TPM1: variants seen among roughly 807,000 people sequenced by gnomAD.
The protein encoded by TPM1 is tropomyosin alpha-1 chain.
In TPM1, 24 loss-of-function variants were observed where a neutral mutation model predicts 42.9. The observed-to-expected ratio is 0.56, with a 90% CI of 0.41 to 0.79. The LOEUF is 0.79. Among genes scored for constraint, TPM1 ranks in the 30% least tolerant of loss-of-function variants. The pLI, the probability that TPM1 is intolerant of heterozygous loss-of-function variation, is 0.00. For missense variants in TPM1, 158 were observed against 351.8 expected (o/e 0.45, Z 4.41); for synonymous variants, 136 against 130.1 (o/e 1.05, Z -0.31).
intron 8 of TPM1, chr15:63,063,724 A>C (rs991213338): frequency 3.8e-6 from 1 of 263,242 alleles, no homozygotes; most frequent in Non-Finnish European, 7.3e-6. Context: ...AAGATGTTCC[A>C]TTAGCCCCTG....
At chr15:63,051,635 G>C (rs1365493074) in intron 2 of TPM1, among the ~76,000 whole-genome samples, 1 of 151,740 alleles carries the variant, frequency 6.6e-6, no homozygotes, top group Non-Finnish European at 1.5e-5. Flanking sequence ...AACCTTCTTC[G>C]TATAACTACA....
chr15:63,050,398 C>T (rs2033607845), intron 2 of TPM1, among the ~76,000 whole-genome samples: 1 of 152,156 alleles, frequency 6.6e-6, no homozygotes, highest in Admixed American at 6.5e-5. Context: ...GTCTCCTCAC[C>T]CTGCTAAGAA....
chr15:63,069,967 C>A (rs780497547), downstream of TPM1: 10 of 1,613,640 alleles, frequency 6.2e-6, no homozygotes, highest in Non-Finnish European at 8.5e-6. Context: ...AAAACTTGGG[C>A]TGAATTCTAG....
chr15:63,055,141 C>T (rs1425869314), intron 2 of TPM1, among the ~76,000 whole-genome samples: 1 of 152,138 alleles, frequency 6.6e-6, no homozygotes, highest in Non-Finnish European at 1.5e-5. Context: ...CAGTCATCTG[C>T]CAGTAATTCC....
At chr15:63,065,861 T>G (rs774959106) in intron 9 of TPM1, 35 bp from the exon 10 acceptor site, 4 of 1,573,156 alleles carry the variant, frequency 2.5e-6, no homozygotes, top group Admixed American at 3.5e-5. Context: ...ATTGTGCCAC[T>G]TTTTTTTTCC....
downstream of TPM1, chr15:63,070,927 C>T (rs574075039): frequency 4.8e-5 from 68 of 1,422,028 alleles, no homozygotes; most frequent in African/African-American, 6.6e-4. Flanking sequence ...CCCTCCCCTC[C>T]GTCTTAGGTT....
At chr15:63,043,417 C>A (rs757557087) in intron 1 of TPM1, 19 of 634,218 alleles carry the variant, frequency 3.0e-5, no homozygotes, top group Middle Eastern at 2.4e-4. Context: ...GGAATGGAGG[C>A]TACAGCCCGA....
At chr15:63,054,959 A>G (rs986488926) in intron 2 of TPM1, among the ~76,000 whole-genome samples, 4 of 152,144 alleles carry the variant, frequency 2.6e-5, no homozygotes, top group African/African-American at 7.2e-5. Context: ...GAAAATATAG[A>G]AAAGTGAAGA....
intron 5 of TPM1, 40 bp downstream of exon 5, chr15:63,060,979 T>C: frequency 1.2e-6 from 2 of 1,610,200 alleles, no homozygotes; most frequent in Non-Finnish European, 1.7e-6. Flanking sequence ...AATGGGGTGC[T>C]GCAGAGCAGT....
Position 63,060,722 on chromosome 15 carries a change from C to T in TPM1, c.493-147C>T, listed in dbSNP as rs1596376998. The T allele has an allele frequency of 4.6e-6, 4 of 870,588 alleles. No homozygotes were observed. In the East Asian group the frequency reaches 7.7e-5, roughly 17 times the overall value. The allele number at this position is 870,588 out of a possible 1,614,324, so 53.9% of individuals were successfully genotyped here. A position where few individuals can be genotyped will look rare whatever the true frequency, so the allele number is the denominator to read the frequency against. The stretch of plus-strand genomic sequence containing the variant: ...TGCTGGCACTCCTAATAGAGAGTTG[C>T]TTCTCTCTGGTCTACCAGAAAGAGG... On this transcript the variant is annotated intron_variant, in intron 4 of 9. Transcript: ENST00000403994.
In TPM1 at chr15:63,042,782, C is replaced by T. The variant is rs747523720; in HGVS notation, c.-48C>T. On this transcript the variant is annotated 5_prime_UTR_variant, in exon 1 of 10. Coordinates refer to ENST00000403994, the MANE Select transcript of TPM1 (RefSeq NM_001018005.2). ...CCGCTCCTCCGCCCGACCGCGCGCT[C>T]GCCCCGCCGCTCCTGCTGCAGCCCC... is the stretch of plus-strand genomic sequence containing the variant. 20 of 1,540,460 alleles carry T rather than the reference C, an allele frequency of 1.3e-5. No homozygotes were observed. Among genetic ancestry groups the T allele is most frequent in the Middle Eastern group, 1.9e-4 (1 of 5,400 alleles).
At chr15:63,050,867 G>T (rs1176066318) in intron 2 of TPM1, among the ~76,000 whole-genome samples, 3 of 152,216 alleles carry the variant, frequency 2.0e-5, no homozygotes, top group Non-Finnish European at 4.4e-5. Flanking sequence ...AAAGATAAAG[G>T]TTTAGTGACA....
chr15:63,070,568 G>A (rs2036553195), downstream of TPM1: 1 of 1,001,562 alleles, frequency 1.0e-6, no homozygotes, highest in Non-Finnish European at 1.2e-6. Context: ...TCCTAATGAA[G>A]TGTGCATGAA....
rs73440404 is a variant in TPM1 at position 63,059,404 on chromosome 15, C to T, written c.375-159C>T. Among the ~76,000 whole-genome samples the T allele has an allele frequency of 0.022, 3,313 of 152,248 alleles. 136 individuals are homozygous for T. The highest frequency in any genetic ancestry group is 0.076 in the African/African-American group (3,155 of 41,520). ...ATGTGTCTCTTTTTTCCACCTTTAG[C>T]TCTGGAAATTGTTGTTTCCTGGTTT... On this transcript the variant is annotated intron_variant, in intron 3 of 9. Coordinates refer to ENST00000403994, the MANE Select transcript of TPM1 (RefSeq NM_001018005.2).
At chr15:63,049,552 G>A (rs189627995) in intron 2 of TPM1, among the ~76,000 whole-genome samples, 1 of 152,288 alleles carries the variant, frequency 6.6e-6, no homozygotes, top group Non-Finnish European at 1.5e-5. Flanking sequence ...GATTTTGTGT[G>A]TGTGTGTTTT....
Position 63,060,103 on chromosome 15 carries a change from C to CCTCT in TPM1, c.492+427_492+430dup, listed in dbSNP as rs528729904. The CCTCT allele has an allele frequency of 2.6e-5, 6 of 229,862 alleles. No individual in the cohort carries two copies. The South Asian group carries it at 3.9e-4, about 15-fold the overall frequency. 14.2% of individuals were successfully genotyped at this position (229,862 alleles called of 1,614,324 possible). A position where few individuals can be genotyped will look rare whatever the true frequency, so the allele number is the denominator to read the frequency against. On this transcript the variant is annotated intron_variant, in intron 4 of 9. Coordinates refer to ENST00000403994, the MANE Select transcript of TPM1 (RefSeq NM_001018005.2). Reference sequence around the variant, plus strand: ...CAGTTTCTCAGTGGATTCACAGAGGCCTCTCTCCTCAAGGGTGGTAGAAAA... The same window carrying CCTCT: ...CAGTTTCTCAGTGGATTCACAGAGGCCTCTCTCTCTCCTCAAGGGTGGTAGAAAA...
intron 7 of TPM1, 77 bp downstream of exon 7, chr15:63,062,354 A>T: frequency 6.8e-7 from 1 of 1,473,976 alleles, no homozygotes. Flanking sequence ...GGGCCTTTTC[A>T]TTTTAAAGTT....
At chr15:63,046,461 A>T (rs1471364500) in intron 2 of TPM1, 1 of 152,228 alleles carries the variant, frequency 6.6e-6, no homozygotes, top group Non-Finnish European at 1.5e-5. Flanking sequence ...TCACCAGTGT[A>T]AAACACTTTT....
At chr15:63,070,131 C>T, downstream of TPM1, 1 of 1,453,648 alleles carries the variant, frequency 6.9e-7, no homozygotes, top group Non-Finnish European at 9.1e-7. Flanking sequence ...TAATTACGTT[C>T]TCTTTAATCA....
Sources: allele counts gnomAD v4.1 joint callset (sites outside exome capture counted in the v4.1 genomes callset), GRCh38; gene constraint gnomAD v4.1.1; transcripts MANE v1.5; gene names NCBI Gene and HGNC (gene_info 2026-07-23, HGNC 2026-07-21).